Variants in KCNAB1 observed in about 807,000 individuals in gnomAD.
KCNAB1 encodes voltage-gated potassium channel subunit beta-1.
A neutral mutation model predicts 64.6 loss-of-function variants in KCNAB1; 35 were observed. The observed-to-expected ratio is 0.54, with a 90% CI of 0.41 to 0.72. The LOEUF (loss-of-function observed/expected upper bound fraction) is 0.72, where lower values mean the gene tolerates loss of function less well. Among genes scored for constraint, KCNAB1 ranks in the 30% least tolerant of loss-of-function variants. KCNAB1 has a pLI of 0.00. For missense variants in KCNAB1, 401 were observed against 512.9 expected, an observed-to-expected ratio of 0.78 and a Z score of 2.11; for synonymous variants, 177 against 183.8, an observed-to-expected ratio of 0.96 and a Z score of 0.30.
At chr3:156,385,003 ATTGT>A (rs897647380) in intron 1 of KCNAB1, among the ~76,000 whole-genome samples, 27 of 152,334 alleles carry the variant, frequency 1.8e-4, no homozygotes, top group African/African-American at 6.3e-4. Context: ...TAAGAATAAA[ATTGT>A]TTGGATTGGA....
intron 8 of KCNAB1, among the ~76,000 whole-genome samples, chr3:156,510,263 C>T (rs1472859233): frequency 6.6e-6 from 1 of 152,218 alleles, no homozygotes; most frequent in East Asian, 1.9e-4. Context: ...ACATCTCATG[C>T]CTCCTTTTAC....
intron 2 of KCNAB1, among the ~76,000 whole-genome samples, chr3:156,425,062 C>T (rs1715721818): frequency 6.6e-6 from 1 of 152,140 alleles, no homozygotes; most frequent in Non-Finnish European, 1.5e-5. Context: ...AATAATGCAC[C>T]AGCCTTAGAT....
chr3:156,217,603 A>T (rs1715407475), intron 1 of KCNAB1, among the ~76,000 whole-genome samples: 1 of 152,256 alleles, frequency 6.6e-6, no homozygotes, highest in Non-Finnish European at 1.5e-5. Flanking sequence ...CCAGGGATGT[A>T]GAGACTATAG....
intron 1 of KCNAB1, among the ~76,000 whole-genome samples, chr3:156,123,712 G>A (rs1040946223): frequency 2.6e-5 from 4 of 152,102 alleles, no homozygotes; most frequent in Non-Finnish European, 5.9e-5. Context: ...ACAGCTCAGG[G>A]CCCTGCACCT....
chr3:156,436,324 C>A (rs1244347369), intron 2 of KCNAB1, among the ~76,000 whole-genome samples: 2 of 152,126 alleles, frequency 1.3e-5, no homozygotes, highest in African/African-American at 4.8e-5. Flanking sequence ...CGTTGATGGG[C>A]ATTTGGGTTG....
Position 156,156,226 on chromosome 3 carries a change from C to A in KCNAB1, c.275+35340C>A, listed in dbSNP as rs534817885. 7.8e-4 allele frequency among the ~76,000 whole-genome samples: 119 copies of A among 152,212 alleles called. No homozygotes were observed. In the Middle Eastern group the frequency reaches 0.02, roughly 26 times the overall value. On this transcript the variant is annotated intron_variant, in intron 1 of 13. Coordinates refer to ENST00000490337, the MANE Select transcript of KCNAB1 (RefSeq NM_172160.3). ...GAGGTTAACTCCCAGGAGTTGGGGG[C>A]AAGGAGCTAGATTTTTCTTTGGGCA...
At chr3:156,465,511 C>A in intron 6 of KCNAB1, 132 bp from the exon 7 acceptor site, 1 of 708,832 alleles carries the variant, frequency 1.4e-6, no homozygotes, top group Non-Finnish European at 2.4e-6. Context: ...CCAGACTTCT[C>A]TCCTTAGCCT....
In KCNAB1 at chr3:156,536,954, A is replaced by T. The variant is rs1159746533; in HGVS notation, c.*207A>T. ...CCAAGAAAATCCATTCTATTTTCTT[A>T]TCTTGGACTGGAGTCACCTATTCTT... On this transcript the variant is annotated 3_prime_UTR_variant, in exon 14 of 14. Transcript: ENST00000490337. The T allele has an allele frequency of 1.7e-6, 1 of 597,004 alleles. No homozygotes were observed. The highest frequency in any genetic ancestry group is 3.0e-6 in the Non-Finnish European group (1 of 336,358). The allele number at this position is 597,004 out of a possible 1,614,324, so 37.0% of individuals were successfully genotyped here. A position where few individuals can be genotyped will look rare whatever the true frequency, so the allele number is the denominator to read the frequency against.
chr3:156,326,701 A>T (rs916283499), intron 1 of KCNAB1, among the ~76,000 whole-genome samples: 2 of 152,056 alleles, frequency 1.3e-5, no homozygotes, highest in African/African-American at 4.8e-5. Flanking sequence ...TCTACCTGGA[A>T]AGCTCTTCTC....
At chr3:156,157,454 C>G (rs1312820581) in intron 1 of KCNAB1, among the ~76,000 whole-genome samples, 1 of 152,188 alleles carries the variant, frequency 6.6e-6, no homozygotes, top group Non-Finnish European at 1.5e-5. Context: ...TTATCTGTCT[C>G]ATGAAACAGC....
intron 8 of KCNAB1, among the ~76,000 whole-genome samples, chr3:156,497,529 A>G (rs1468584370): frequency 6.6e-6 from 1 of 152,224 alleles, no homozygotes; most frequent in East Asian, 1.9e-4. Flanking sequence ...ATAAATAAAA[A>G]TCTCTAGACA....
chr3:156,310,658 G>A (rs1489176132), intron 1 of KCNAB1, among the ~76,000 whole-genome samples: 2 of 152,138 alleles, frequency 1.3e-5, no homozygotes, highest in African/African-American at 4.8e-5. Context: ...CAAAAAATTA[G>A]CCGGGCGGGG....
intron 12 of KCNAB1, among the ~76,000 whole-genome samples, chr3:156,530,457 A>G (rs1334739807): frequency 6.6e-6 from 1 of 152,192 alleles, no homozygotes. Flanking sequence ...TTAAGAGTAC[A>G]GGTTTAAGGT....
intron 1 of KCNAB1, among the ~76,000 whole-genome samples, chr3:156,159,274 C>T (rs1701857330): frequency 6.6e-6 from 1 of 152,094 alleles, no homozygotes; most frequent in Non-Finnish European, 1.5e-5. Flanking sequence ...AAAACTCTGA[C>T]TTCTTAGGGG....
intron 2 of KCNAB1, among the ~76,000 whole-genome samples, chr3:156,422,878 C>T (rs901873449): frequency 2.6e-5 from 4 of 152,080 alleles, no homozygotes; most frequent in African/African-American, 9.6e-5. Flanking sequence ...AAGCAACCAG[C>T]GCAGCAGGAG....
chr3:156,525,565 G>C (rs1442526788), intron 12 of KCNAB1, among the ~76,000 whole-genome samples: 2 of 152,328 alleles, frequency 1.3e-5, no homozygotes, highest in East Asian at 3.9e-4. Flanking sequence ...GCCCAGGCTG[G>C]AGTGCAGTGG....
chr3:156,372,382 A>T (rs1346146581), intron 1 of KCNAB1, among the ~76,000 whole-genome samples: 1 of 152,240 alleles, frequency 6.6e-6, no homozygotes, highest in Non-Finnish European at 1.5e-5. Context: ...TGTTTTCAGG[A>T]TTAAGTTTAA....
At chr3:156,397,014 T>C (rs1713514181) in intron 1 of KCNAB1, among the ~76,000 whole-genome samples, 1 of 152,244 alleles carries the variant, frequency 6.6e-6, no homozygotes, top group Non-Finnish European at 1.5e-5. Flanking sequence ...GATGTGTACA[T>C]GTAAAAATAT....
intron 1 of KCNAB1, among the ~76,000 whole-genome samples, chr3:156,340,586 G>T (rs754181153): frequency 4.3e-4 from 66 of 152,188 alleles, no homozygotes; most frequent in Non-Finnish European, 3.7e-4. Flanking sequence ...CTTGGTTAGT[G>T]CTGCTGCTGC....
Sources: gnomAD v4.1 joint callset for allele counts (sites outside exome capture counted in the v4.1 genomes callset) on GRCh38, gnomAD v4.1.1 for gene constraint, MANE v1.5 for transcripts, NCBI Gene and HGNC (gene_info 2026-07-23, HGNC 2026-07-21) for gene names.